ARL6IP6: variants seen among roughly 807,000 people sequenced by gnomAD.
The protein encoded by ARL6IP6 is ADP-ribosylation factor-like protein 6-interacting protein 6.
In ARL6IP6, 22 loss-of-function variants were observed where a neutral mutation model predicts 21.5. The ratio of observed to expected loss-of-function variants is 1.02; its 90% CI spans 0.73 to 1.46. The LOEUF is 1.46. Ranked by LOEUF, ARL6IP6 falls within the 40% of genes most tolerant of loss-of-function variation. The pLI is 0.00. For missense variants in ARL6IP6, 388 were observed against 299.8 expected (o/e 1.29, Z -2.17); for synonymous variants, 164 against 125.3 (o/e 1.31, Z -2.06).
upstream of ARL6IP6, chr2:152,717,815 C>T: frequency 1.7e-6 from 2 of 1,144,742 alleles, no homozygotes; most frequent in Non-Finnish European, 2.2e-6. Flanking sequence ...GCCCGAGTTA[C>T]GTACGCCCCA....
rs1574081194 is a variant in ARL6IP6, at chr2:152,761,420, C to T, written c.*1580C>T. ...TCATTGCAAAGATGTACACAAGTAA[C>T]AGAATCAATTTATCTTCTCTCCACC... is the stretch of plus-strand genomic sequence containing the variant. On this transcript the variant is annotated 3_prime_UTR_variant, in exon 4 of 4. Transcript: ENST00000326446. 6.6e-6 allele frequency among the ~76,000 whole-genome samples: 1 copy of T among 152,130 alleles called. No homozygotes were observed. The highest frequency in any genetic ancestry group is 1.9e-4 in the East Asian group (1 of 5,186).
chr2:152,742,194 T>C (rs1362974240), intron 3 of ARL6IP6, among the ~76,000 whole-genome samples: 2 of 152,188 alleles, frequency 1.3e-5, no homozygotes, highest in Admixed American at 1.3e-4. Flanking sequence ...GCTTTAATTA[T>C]AGTTTTCAGG....
chr2:152,735,284 A>G (rs985049110), intron 3 of ARL6IP6, among the ~76,000 whole-genome samples, 158 bp downstream of exon 3: 1 of 152,248 alleles, frequency 6.6e-6, no homozygotes. Flanking sequence ...CTCAGCCTTT[A>G]GATACATGAG....
chr2:152,717,754 C>T, upstream of ARL6IP6: 12 of 1,288,038 alleles, frequency 9.3e-6, no homozygotes, highest in Non-Finnish European at 1.2e-5. Context: ...CTTAGACCGC[C>T]TCACCCCGTA....
chr2:152,762,204 G>A lies in ARL6IP6; in HGVS notation c.*2364G>A, dbSNP rs1277532744. Among the ~76,000 whole-genome samples, 2 of 152,182 alleles carry A rather than the reference G, an allele frequency of 1.3e-5. No homozygotes were observed. Among genetic ancestry groups the A allele is most frequent in the African/African-American group, 4.8e-5 (2 of 41,440 alleles). ...CCAGGATTTTTCAGCTTGAAATTAAGATGTGACGAAGCTGGGAAAATGCAA... is the reference window on the plus strand; with the variant it reads ...CCAGGATTTTTCAGCTTGAAATTAAAATGTGACGAAGCTGGGAAAATGCAA... On this transcript the variant is annotated 3_prime_UTR_variant, in exon 4 of 4. Transcript: ENST00000326446.
At position 152,761,162 on chromosome 2, in the gene ARL6IP6, A is replaced by G. The variant is rs1701826685; in HGVS notation, c.*1322A>G. 6.6e-6 allele frequency: 1 copy of G among 152,192 alleles called. No individual in the cohort carries two copies. Among genetic ancestry groups the G allele is most frequent in the Non-Finnish European group, 1.5e-5 (1 of 68,040 alleles). The allele number at this position is 152,192 out of a possible 1,614,324, so 9.4% of individuals were successfully genotyped here. ...ACTGAATGTTGTTACCGACTAAACA[A>G]GGTTTCTAAAAGTCTCGCATTTCTT... On this transcript the variant is annotated 3_prime_UTR_variant, in exon 4 of 4. Transcript: ENST00000326446.
At chr2:152,720,641 A>G (rs1158444054) in intron 2 of ARL6IP6, 55 bp downstream of exon 2, 2 of 1,478,902 alleles carry the variant, frequency 1.4e-6, no homozygotes, top group Non-Finnish European at 1.9e-6. Flanking sequence ...GTGTTTCTAG[A>G]TCATGTTTGA....
intron 2 of ARL6IP6, among the ~76,000 whole-genome samples, chr2:152,721,596 A>G (rs957351809): frequency 6.6e-6 from 1 of 152,220 alleles, no homozygotes; most frequent in Non-Finnish European, 1.5e-5. Flanking sequence ...ATCACTCTAC[A>G]TTCGATCACA....
chr2:152,719,077 G>A lies in ARL6IP6; in HGVS notation c.400+53G>A, dbSNP rs1441493258. 31 of 1,459,118 alleles carry A rather than the reference G, an allele frequency of 2.1e-5. No homozygotes were observed. The Middle Eastern group carries it at 5.4e-4, about 26-fold the overall frequency. The allele number at this position is 1,459,118 out of a possible 1,614,324, so 90.4% of individuals were successfully genotyped here. A position where few individuals can be genotyped will look rare whatever the true frequency, so the allele number is the denominator to read the frequency against. On this transcript the variant is annotated intron_variant, in intron 1 of 3. Transcript: ENST00000326446. ...GTCCAGAGTAAAGTTGAGCCAGGGT[G>A]TGGCTCTCGTCTCCACCCATCTCCC...
intron 2 of ARL6IP6, among the ~76,000 whole-genome samples, chr2:152,734,532 C>T (rs1449519283): frequency 6.6e-6 from 1 of 152,034 alleles, no homozygotes; most frequent in African/African-American, 2.4e-5. Flanking sequence ...ACTCTGTCTC[C>T]CAGGCTGGAG....
At chr2:152,732,438 C>T (rs1035664031) in intron 2 of ARL6IP6, 5 of 371,812 alleles carry the variant, frequency 1.3e-5, no homozygotes, top group African/African-American at 2.2e-5. Context: ...AGCATCTGTT[C>T]ATGTTTTAAC....
At chr2:152,747,584 T>C (rs1701115761) in intron 3 of ARL6IP6, among the ~76,000 whole-genome samples, 1 of 152,088 alleles carries the variant, frequency 6.6e-6, no homozygotes, top group South Asian at 2.1e-4. Flanking sequence ...TTTTTCCTTT[T>C]TTTGTTGGTT....
intron 2 of ARL6IP6, 125 bp from the exon 3 acceptor site, chr2:152,734,869 A>G: frequency 9.7e-7 from 1 of 1,034,562 alleles, no homozygotes; most frequent in Non-Finnish European, 1.4e-6. Flanking sequence ...CAAATCTCTT[A>G]AAATATCAGA....
chr2:152,751,200 CT>C (rs58660367), intron 3 of ARL6IP6, among the ~76,000 whole-genome samples: 14,127 of 151,458 alleles, frequency 0.093, 746 homozygotes, highest in Middle Eastern at 0.16. Context: ...CCACGTTTGA[CT>C]TTTTTTTTAT....
chr2:152,726,188 A>G (rs1700040163), intron 2 of ARL6IP6, among the ~76,000 whole-genome samples: 1 of 152,164 alleles, frequency 6.6e-6, no homozygotes, highest in African/African-American at 2.4e-5. Context: ...TGATTTACCA[A>G]TGTTGGGAAC....
chr2:152,733,812 CAT>C (rs1353613544), intron 2 of ARL6IP6, among the ~76,000 whole-genome samples: 4 of 152,076 alleles, frequency 2.6e-5, no homozygotes, highest in African/African-American at 7.2e-5. Context: ...AATTTACTTA[CAT>C]GTTTTATTAT....
At chr2:152,719,264 C>T (rs1487775964) in intron 1 of ARL6IP6, among the ~76,000 whole-genome samples, 3 of 152,170 alleles carry the variant, frequency 2.0e-5, no homozygotes, top group Non-Finnish European at 4.4e-5. Flanking sequence ...AATGGGTACT[C>T]TTGAAGAAAT....
At chr2:152,733,354 C>G (rs879503343) in intron 2 of ARL6IP6, among the ~76,000 whole-genome samples, 23 of 152,136 alleles carry the variant, frequency 1.5e-4, no homozygotes, top group Admixed American at 1.5e-3. Flanking sequence ...TAACCTATGC[C>G]TCTGGATTCA....
intron 3 of ARL6IP6, among the ~76,000 whole-genome samples, chr2:152,750,125 A>G (rs1040090199): frequency 6.6e-6 from 1 of 152,156 alleles, no homozygotes; most frequent in Non-Finnish European, 1.5e-5. Context: ...AAAAAACTGT[A>G]CATAATCTTT....
Sources: gnomAD v4.1 joint callset for allele counts (sites outside exome capture counted in the v4.1 genomes callset) on GRCh38, gnomAD v4.1.1 for gene constraint, MANE v1.5 for transcripts, NCBI Gene and HGNC (gene_info 2026-07-23, HGNC 2026-07-21) for gene names.